The following CLIP2 variants were observed in gnomAD, a reference collection of about 807,000 sequenced individuals.
CLIP2 encodes CAP-Gly domain containing linker protein 2, also known as CAP-Gly domain-containing linker protein 2.
A neutral mutation model predicts 111.7 loss-of-function variants in CLIP2; 41 were observed. The ratio of observed to expected loss-of-function variants is 0.37; its 90% CI spans 0.29 to 0.48. CLIP2 has a LOEUF of 0.48. CLIP2 is among the 20% of genes least tolerant of loss of function. CLIP2 has a pLI of 0.99. For synonymous variants in CLIP2, 660 were observed against 644.2 expected, an observed-to-expected ratio of 1.02 and a Z score of -0.37; for missense variants, 1,160 against 1,422.1, an observed-to-expected ratio of 0.82 and a Z score of 2.96.
At chr7:74,393,969 G>C (rs1791367510) in intron 13 of CLIP2, among the ~76,000 whole-genome samples, 1 of 152,228 alleles carries the variant, frequency 6.6e-6, no homozygotes, top group African/African-American at 2.4e-5. Flanking sequence ...AGTTATTATT[G>C]GTGCCCTGCC....
chr7:74,309,658 A>G (rs229880), intron 1 of CLIP2, among the ~76,000 whole-genome samples: 90,289 of 150,486 alleles, frequency 0.6, 29,427 homozygotes, highest in Non-Finnish European at 0.74. Context: ...AGGAGTTCGA[A>G]ACCAGCCTGG....
rs1252178951 is a variant in CLIP2, at chr7:74,373,053, AC to A, written c.1485+20del. ...GACAACAGGGTAACCGCGCCACCGC[AC>A]CCGCCTGGCCCGCCAGCCACCTTGC... On this transcript the variant is annotated intron_variant, in intron 9 of 16. Transcript: ENST00000223398. 9.2e-6 allele frequency: 14 copies of A among 1,528,176 alleles called. No homozygotes were observed. The highest frequency in any genetic ancestry group is 3.9e-5 in the Admixed American group (2 of 50,716). The allele number at this position is 1,528,176 out of a possible 1,614,324, so 94.7% of individuals were successfully genotyped here. A position where few individuals can be genotyped will look rare whatever the true frequency, so the allele number is the denominator to read the frequency against.
At position 74,373,016 on chromosome 7, in the gene CLIP2, C is replaced by T. The variant is rs1554312238; in HGVS notation, c.1465C>T (p.Arg489Ter). Residue 489 changes from arginine to a stop codon, truncating the protein, a stop_gained, in exon 9 of 17, where the codon CGA becomes TGA. Transcript: ENST00000223398. LOFTEE classifies it high-confidence loss of function. ...LEKAQAERLL[R>*]ELADNRLTTV... ...GAAGGCGCAGGCCGAGCGGCTGCTC[C>T]GAGAATTAGCGGACAACAGGGTAAC... is the stretch of plus-strand genomic sequence containing the variant. The T allele has an allele frequency of 2.5e-6, 4 of 1,587,068 alleles. No homozygotes were observed. Among genetic ancestry groups the T allele is most frequent in the Non-Finnish European group, 3.4e-6 (4 of 1,168,546 alleles).
At chr7:74,329,201 C>T in intron 2 of CLIP2, among the ~76,000 whole-genome samples, 1 of 149,080 alleles carries the variant, frequency 6.7e-6, no homozygotes, top group East Asian at 2.0e-4. Flanking sequence ...GCTGGGATTA[C>T]AGGCGTGAGC....
intron 6 of CLIP2, 41 bp from the exon 7 acceptor site, chr7:74,360,134 G>T: frequency 6.6e-7 from 1 of 1,518,782 alleles, no homozygotes. Context: ...CCCATACCCC[G>T]GAGCATGCTG....
intron 10 of CLIP2, chr7:74,380,456 A>C (rs1790911709): frequency 5.9e-6 from 1 of 169,824 alleles, no homozygotes. Context: ...TGTCTCTGGG[A>C]GACAGAGAAA....
intron 8 of CLIP2, among the ~76,000 whole-genome samples, chr7:74,372,375 G>T (rs1554312033): frequency 1.5e-5 from 2 of 137,754 alleles, no homozygotes; most frequent in African/African-American, 5.7e-5. Context: ...TGCGTGTTAT[G>T]GGTTCTTGCA....
At chr7:74,311,933 G>A (rs111475910) in intron 1 of CLIP2, among the ~76,000 whole-genome samples, 2,445 of 36,498 alleles carry the variant, frequency 0.067, 78 homozygotes, top group Non-Finnish European at 0.17. Context: ...AAAAAAAAAA[G>A]AAAGAAAGAA....
At chr7:74,375,531 T>C (rs1200539366) in intron 9 of CLIP2, among the ~76,000 whole-genome samples, 19 of 113,474 alleles carry the variant, frequency 1.7e-4, no homozygotes, top group African/African-American at 6.0e-4. Context: ...CCAGCCTGCG[T>C]GACAGAGCGA....
chr7:74,329,474 G>A (rs1789215340), intron 2 of CLIP2, among the ~76,000 whole-genome samples: 2 of 152,182 alleles, frequency 1.3e-5, no homozygotes, highest in Admixed American at 1.3e-4. Flanking sequence ...CAAAGGCTCT[G>A]AAAAGTCCTG....
chr7:74,383,385 C>A (rs977505250), intron 11 of CLIP2, among the ~76,000 whole-genome samples: 1 of 152,058 alleles, frequency 6.6e-6, no homozygotes, highest in African/African-American at 2.4e-5. Context: ...TGTTCTATTC[C>A]AATGACTTGT....
intron 2 of CLIP2, among the ~76,000 whole-genome samples, chr7:74,335,270 C>A (rs868944265): frequency 0.014 from 1,353 of 99,204 alleles, no homozygotes; most frequent in African/African-American, 0.02. Context: ...GACTCCATCT[C>A]AAAAAAAAAA....
At chr7:74,402,199 G>A (rs1294589702) in intron 16 of CLIP2, among the ~76,000 whole-genome samples, 4 of 151,870 alleles carry the variant, frequency 2.6e-5, no homozygotes, top group East Asian at 3.9e-4. Flanking sequence ...GCGTGGTGGC[G>A]GGCACCTGTA....
intron 3 of CLIP2, among the ~76,000 whole-genome samples, chr7:74,349,977 G>A (rs925179257): frequency 2.0e-5 from 3 of 152,162 alleles, no homozygotes; most frequent in Middle Eastern, 3.4e-3. Context: ...GATAGAAATA[G>A]ACTAAGGGTT....
rs567087344 is a variant in CLIP2 at position 74,355,298 on chromosome 7, C to T, written c.804-1112C>T. Among the ~76,000 whole-genome samples, 172 of 152,114 alleles carry T rather than the reference C, an allele frequency of 1.1e-3. 2 individuals are homozygous for T. Among genetic ancestry groups the T allele is most frequent in the African/African-American group, 3.9e-3 (161 of 41,516 alleles). ...GGTGGGAAAAGGCAGAATGGGGCAGCGGTTTCAAGTGAATCAGAAGCTGGA... is the reference window on the plus strand; with the variant it reads ...GGTGGGAAAAGGCAGAATGGGGCAGTGGTTTCAAGTGAATCAGAAGCTGGA... On this transcript the variant is annotated intron_variant, in intron 4 of 16. Transcript: ENST00000223398.
At chr7:74,378,637 G>C (rs2116662958) in intron 10 of CLIP2, among the ~76,000 whole-genome samples, 1 of 152,328 alleles carries the variant, frequency 6.6e-6, no homozygotes, top group East Asian at 1.9e-4. Flanking sequence ...CTACGCTGGA[G>C]GCTGAGGCAA....
At chr7:74,357,570 C>T in intron 6 of CLIP2, 93 bp downstream of exon 6, 1 of 1,158,674 alleles carries the variant, frequency 8.6e-7, no homozygotes, top group Non-Finnish European at 1.2e-6. Flanking sequence ...GGGGTGGGTG[C>T]AGAGAAATAT....
At chr7:74,304,474 C>T (rs1283755232) in intron 1 of CLIP2, among the ~76,000 whole-genome samples, 10 of 149,356 alleles carry the variant, frequency 6.7e-5, no homozygotes, top group Admixed American at 3.4e-4. Context: ...TGCAGTGAGC[C>T]GAGATCACGC....
At chr7:74,342,773 C>T (rs1489838997) in intron 3 of CLIP2, among the ~76,000 whole-genome samples, 4 of 152,032 alleles carry the variant, frequency 2.6e-5, no homozygotes, top group East Asian at 1.9e-4. Flanking sequence ...GGTGGCCGGG[C>T]GCGGTGGCTC....
Sources: gnomAD v4.1 joint callset for allele counts (sites outside exome capture counted in the v4.1 genomes callset) on GRCh38, gnomAD v4.1.1 for gene constraint, MANE v1.5 for transcripts, NCBI Gene and HGNC (gene_info 2026-07-23, HGNC 2026-07-21) for gene names.